DNAH17: variants seen among roughly 807,000 people sequenced by gnomAD.
DNAH17 encodes axonemal beta dynein heavy chain 17.
Under a neutral mutation model 485.6 loss-of-function variants are expected in DNAH17, and 376 were observed. The observed-to-expected ratio is 0.77, with a 90% CI of 0.71 to 0.84. The LOEUF is 0.84. Among genes scored for constraint, DNAH17 ranks in the 40% least tolerant of loss-of-function variants. DNAH17 has a pLI of 0.00. For missense variants in DNAH17, 6,370 were observed against 5,839.3 expected (o/e 1.09, Z -2.96); for synonymous variants, 3,031 against 2,405.9 (o/e 1.26, Z -7.60).
chr17:78,503,032 G>C (rs756683981), intron 31 of DNAH17, 21 bp from the exon 32 acceptor site: 4 of 1,609,298 alleles, frequency 2.5e-6, no homozygotes, highest in Non-Finnish European at 3.4e-6. Context: ...GAGCCACGGT[G>C]ACCAATACAG....
At chr17:78,536,621 C>T (rs1226952088) in intron 19 of DNAH17, among the ~76,000 whole-genome samples, 1 of 152,026 alleles carries the variant, frequency 6.6e-6, no homozygotes, top group African/African-American at 2.4e-5. Flanking sequence ...GCAGAGGCTG[C>T]AGTCAGCCGA....
intron 35 of DNAH17, 66 bp downstream of exon 35, chr17:78,501,118 G>C (rs2090272247): frequency 6.7e-7 from 1 of 1,499,982 alleles, no homozygotes; most frequent in Non-Finnish European, 9.0e-7. Flanking sequence ...AAGTCGGACA[G>C]TTCCAAGAAT....
chr17:78,484,082 C>A (rs1292021636), intron 48 of DNAH17, among the ~76,000 whole-genome samples: 3 of 102,168 alleles, frequency 2.9e-5, no homozygotes, highest in African/African-American at 4.0e-5. Flanking sequence ...AGAGACAGAG[C>A]GAGATTTCTC....
At chr17:78,503,064 T>A in intron 31 of DNAH17, 53 bp from the exon 32 acceptor site, 1 of 1,546,902 alleles carries the variant, frequency 6.5e-7, no homozygotes, top group South Asian at 1.2e-5. Flanking sequence ...TGCCTCTAGT[T>A]CCAATAATTT....
chr17:78,510,211 A>T (rs1368696634), intron 27 of DNAH17, among the ~76,000 whole-genome samples, 173 bp downstream of exon 27: 1 of 152,156 alleles, frequency 6.6e-6, no homozygotes, highest in Non-Finnish European at 1.5e-5. Flanking sequence ...AAACAAACAA[A>T]TAGATTCCAG....
chr17:78,442,160 G>A (rs2087101549), intron 71 of DNAH17, among the ~76,000 whole-genome samples: 1 of 152,176 alleles, frequency 6.6e-6, no homozygotes, highest in Non-Finnish European at 1.5e-5. Context: ...CCCGAAGGGT[G>A]AGAACTGCTC....
rs1372763528 is a variant in DNAH17, at chr17:78,476,723, A to G, written c.8003T>C (p.Phe2668Ser). 6.2e-7 allele frequency: 1 copy of G among 1,612,240 alleles called. No homozygotes were observed. The highest frequency in any genetic ancestry group is 8.5e-7 in the Non-Finnish European group (1 of 1,179,164). ...GGTTTTCAGAACTTCTGCTGTGGAAAATAAGAGTCCCTGCCCCAAACACAG... is the reference window on the plus strand; with the variant it reads ...GGTTTTCAGAACTTCTGCTGTGGAAGATAAGAGTCCCTGCCCCAAACACAG... ...DLSNIFQGLLFSTAEVLKTPL... is the reference protein window; with the variant it reads ...DLSNIFQGLLSSTAEVLKTPL... Residue 2668 changes from phenylalanine to serine, a missense_variant, in exon 52 of 81, where the codon TTT becomes TCT. Phe to Ser is a radical substitution (Grantham distance 155). Transcript: ENST00000389840.
At chr17:78,568,022 G>A (rs953044071) in intron 9 of DNAH17, among the ~76,000 whole-genome samples, 7 of 152,092 alleles carry the variant, frequency 4.6e-5, no homozygotes, top group African/African-American at 9.7e-5. Flanking sequence ...ATCAGGCCAC[G>A]CACCAACACC....
In DNAH17 at chr17:78,526,928, G is replaced by A; in HGVS notation, c.3576C>T (p.Leu1192=). 6.3e-7 allele frequency: 1 copy of A among 1,588,018 alleles called. No individual in the cohort carries two copies. The highest frequency in any genetic ancestry group is 8.6e-7 in the Non-Finnish European group (1 of 1,166,940). The part of the protein sequence containing the change: ...AIQVKLTVAP[L]QANEVSILRR... ...GCAGGATGCTGACCTCGTTGGCCTG[G>A]AGTGGTGCCACGGTCAGCTTCACCT... The change falls in exon 23 of 81, where the codon CTC becomes CTT. Residue 1192 remains leucine, a synonymous_variant. Transcript: ENST00000389840.
Position 78,483,749 on chromosome 17 carries a change from G to A in DNAH17, c.7649+1119C>T, listed in dbSNP as rs1485893731. On this transcript the variant is annotated intron_variant, in intron 48 of 80. Coordinates refer to ENST00000389840, the MANE Select transcript of DNAH17 (RefSeq NM_173628.4). ...TTCTCGGCATGAGGCCAGGCTTCAT[G>A]AACGAGCAGACTAGTTTCTAGGCTC... is the stretch of plus-strand genomic sequence containing the variant. Among the ~76,000 whole-genome samples, 4 of 152,130 alleles carry A rather than the reference G, an allele frequency of 2.6e-5. No individual in the cohort carries two copies. The East Asian group carries it at 5.8e-4, about 22-fold the overall frequency.
intron 1 of DNAH17, 124 bp from the exon 2 acceptor site, chr17:78,575,206 G>A: frequency 2.7e-6 from 2 of 742,848 alleles, no homozygotes; most frequent in Non-Finnish European, 4.3e-6. Context: ...GGTCGAGAGT[G>A]TGCAGTTTTT....
intron 56 of DNAH17, among the ~76,000 whole-genome samples, chr17:78,465,097 C>T (rs1210454334): frequency 4.6e-5 from 7 of 152,176 alleles, no homozygotes; most frequent in African/African-American, 1.4e-4. Flanking sequence ...CGCGCCGCCA[C>T]GCCTGACTGG....
At chr17:78,539,115 C>T (rs1464518232) in intron 18 of DNAH17, among the ~76,000 whole-genome samples, 3 of 152,020 alleles carry the variant, frequency 2.0e-5, no homozygotes, top group African/African-American at 7.3e-5. Flanking sequence ...CCTATAATCC[C>T]AGCTACTTGG....
intron 79 of DNAH17, among the ~76,000 whole-genome samples, 184 bp from the exon 80 acceptor site, chr17:78,425,755 G>GTTTTTT (rs1568032936): frequency 3.4e-5 from 3 of 88,314 alleles, no homozygotes; most frequent in African/African-American, 1.6e-4. Context: ...TTTGGTGTCT[G>GTTTTTT]CTTTTTTTTT....
intron 18 of DNAH17, among the ~76,000 whole-genome samples, chr17:78,539,440 A>T (rs1389712435): frequency 1.3e-5 from 2 of 152,060 alleles, no homozygotes; most frequent in African/African-American, 4.8e-5. Flanking sequence ...AGTGGTGTCC[A>T]CTTTCCTTCA....
intron 61 of DNAH17, 34 bp from the exon 62 acceptor site, chr17:78,458,714 CCCA>C (rs2087930523): frequency 1.3e-6 from 2 of 1,574,250 alleles, no homozygotes; most frequent in East Asian, 4.5e-5. Context: ...GCTGGAAAAC[CCCA>C]CGAGGCATCT....
chr17:78,459,899 T>C lies in DNAH17; in HGVS notation c.9538A>G (p.Lys3180Glu). 6.2e-7 allele frequency: 1 copy of C among 1,614,000 alleles called. No individual in the cohort carries two copies. Among genetic ancestry groups the C allele is most frequent in the Non-Finnish European group, 8.5e-7 (1 of 1,179,884 alleles). The change falls in exon 60 of 81, where the codon AAG (lysine) becomes GAG (glutamate). Residue 3180 changes from lysine to glutamate, a missense_variant. By Grantham distance (56) the Lys-to-Glu change is moderately conservative. Transcript: ENST00000389840. ...TTGGCCGCCTTCCAGCTCTTGTCCT[T>C]GGGGATCTTGCCCCCAGGTGCGGTC... The part of the protein sequence containing the change: ...ILTAPGGKIP[K>E]DKSWKAAKIM...
chr17:78,544,790 G>C (rs1459718113), intron 16 of DNAH17, among the ~76,000 whole-genome samples: 1 of 68,154 alleles, frequency 1.5e-5, no homozygotes, highest in Non-Finnish European at 2.6e-5. Context: ...CACAGAGCGA[G>C]ACTCAGTCTC....
chr17:78,453,572 G>A (rs1034486119), intron 64 of DNAH17, 107 bp from the exon 65 acceptor site: 37 of 1,445,950 alleles, frequency 2.6e-5, no homozygotes, highest in African/African-American at 2.2e-4. Context: ...AGCGCCAAGC[G>A]AGGGGTGACC....
Sources: gnomAD v4.1 joint callset for allele counts (sites outside exome capture counted in the v4.1 genomes callset) on GRCh38, gnomAD v4.1.1 for gene constraint, MANE v1.5 for transcripts, NCBI Gene and HGNC (gene_info 2026-07-23, HGNC 2026-07-21) for gene names.